GTPBP6: variants seen among roughly 807,000 people sequenced by gnomAD.
GTPBP6 encodes putative GTP-binding protein 6.
A neutral mutation model predicts 28.9 loss-of-function variants in GTPBP6; 33 were observed. The ratio of observed to expected loss-of-function variants is 1.14; its 90% CI spans 0.87 to 1.53. GTPBP6 has a LOEUF of 1.53. GTPBP6 is among the 40% of genes most tolerant of loss of function. The probability of loss-of-function intolerance (pLI) is 0.00; values close to 1 mark genes in which losing one functional copy is unlikely to be tolerated. For missense variants in GTPBP6, 507 were observed against 408.3 expected (o/e 1.24, Z -2.08); for synonymous variants, 231 against 192.7 (o/e 1.20, Z -1.65).
exon 9 of GTPBP6, chrX:307,460 C>T (rs377354228): frequency 5.6e-6 from 9 of 1,609,868 alleles, no homozygotes; most frequent in South Asian, 1.1e-5. Context: ...TCCTGGAGCC[C>T]GTGGCCCCGC....
chrX:312,545 C>G, intron 6 of GTPBP6: 1 of 699,696 alleles, frequency 1.4e-6, no homozygotes, highest in Non-Finnish European at 2.6e-6. Context: ...GGCTGCTGTA[C>G]CCCACACAGA....
chrX:317,134 C>T, intron 1 of GTPBP6, 83 bp from the exon 2 acceptor site: 1 of 398,232 alleles, frequency 2.5e-6, no homozygotes, highest in Non-Finnish European at 4.4e-6. Context: ...CTCCTCCTGC[C>T]CTTGAGACAA....
chrX:311,724 T>A, intron 6 of GTPBP6, 97 bp from the exon 7 acceptor site: 1 of 1,001,204 alleles, frequency 1.0e-6, no homozygotes, highest in Non-Finnish European at 1.6e-6. Flanking sequence ...CGGCACCCTC[T>A]GGGGGGCCGC....
At chrX:312,903 T>A (rs370035836) in exon 6 of GTPBP6, 1 of 1,612,262 alleles carries the variant, frequency 6.2e-7, no homozygotes, top group African/African-American at 1.3e-5. Context: ...GAGACGCTGC[T>A]GCAGCTGCAT....
intron 4 of GTPBP6, 60 bp from the exon 5 acceptor site, chrX:314,277 T>A: frequency 7.1e-7 from 1 of 1,418,014 alleles, no homozygotes; most frequent in Non-Finnish European, 1.0e-6. Context: ...CCGGCAGAGG[T>A]CGAGGTGAAG....
intron 9 of GTPBP6, among the ~76,000 whole-genome samples, chrX:305,452 G>C (rs907596835): frequency 7.9e-5 from 12 of 151,484 alleles, no homozygotes; most frequent in Admixed American, 7.2e-4. Context: ...CTCCCGAGTA[G>C]CTGGGACTAC....
rs1270868032 is a variant in GTPBP6, at chrX:317,904, C to A, written c.349+535G>T. Among the ~76,000 whole-genome samples the A allele has an allele frequency of 4.5e-4, 67 of 148,496 alleles. 1 individual carries two copies. The highest frequency in any genetic ancestry group is 1.6e-3 in the African/African-American group (64 of 39,996). The stretch of plus-strand genomic sequence containing the variant: ...TCACCCATGGGCTCCTCCCCCGAAC[C>A]CCACCCATGCACCTCCACCTATGAG... On this transcript the variant is annotated intron_variant, in intron 1 of 9. Transcript: ENST00000326153.
intron 7 of GTPBP6, among the ~76,000 whole-genome samples, chrX:308,722 G>A (rs759611317): frequency 2.0e-5 from 3 of 146,426 alleles, no homozygotes; most frequent in Non-Finnish European, 4.5e-5. Flanking sequence ...TTCATCCCAG[G>A]AAAGTTTTAC....
chrX:314,258 G>C (rs754599265), intron 4 of GTPBP6, 41 bp from the exon 5 acceptor site: 1 of 1,527,264 alleles, frequency 6.5e-7, no homozygotes, highest in Non-Finnish European at 9.1e-7. Flanking sequence ...TGCGGACGCT[G>C]TCTCCCTCCC....
At chrX:314,638 A>T (rs375104291) in intron 4 of GTPBP6, among the ~76,000 whole-genome samples, 1 of 151,720 alleles carries the variant, frequency 6.6e-6, no homozygotes, top group Admixed American at 6.6e-5. Context: ...ACGCCCGGCT[A>T]ATTTTTTTCT....
rs769101525 is a variant in GTPBP6 at position 307,923 on chromosome X, C to G, written c.1126-43G>C. On this transcript the variant is annotated intron_variant, in intron 7 of 9. Transcript: ENST00000326153. The stretch of plus-strand genomic sequence containing the variant: ...GGGTCAGAGCTGCGGAGCCTCTGGT[C>G]CCTGACCCCAAGCTTGCAGACAGGC... The G allele has an allele frequency of 1.0e-5, 15 of 1,454,094 alleles. No homozygotes were observed. The East Asian group carries it at 3.5e-4, about 34-fold the overall frequency. The allele number at this position is 1,454,094 out of a possible 1,614,324, so 90.1% of individuals were successfully genotyped here.
Position 306,158 on chromosome X carries a change from A to G in GTPBP6, c.1428-961T>C, listed in dbSNP as rs2070157734. 3.3e-5 allele frequency among the ~76,000 whole-genome samples: 5 copies of G among 152,084 alleles called. 1 individual carries two copies. In the South Asian group the frequency reaches 1.0e-3, roughly 32 times the overall value. ...TGCGCACAGTCAGAAATGTATTTTG[A>G]CTGTCAAGTGCAGATTAGGCACCTG... On this transcript the variant is annotated intron_variant, in intron 9 of 9. Transcript: ENST00000326153.
rs750181798 is a variant in GTPBP6 at position 314,211 on chromosome X, G to C, written c.696C>G (p.Asn232Lys). Reference sequence around the variant, plus strand: ...ACAGGTGGGCGACGTCCCTTTTCAAGTTCGACCTGGTGTGGGAACGGGAGT... The same window carrying C: ...ACAGGTGGGCGACGTCCCTTTTCAACTTCGACCTGGTGTGGGAACGGGAGT... The change falls in exon 5 of 10, where the codon AAC becomes AAG. Residue 232 changes from asparagine (N) to lysine (K), a missense_variant. By Grantham distance (94) the Asn-to-Lys change is moderately conservative. Coordinates refer to ENST00000326153, the Ensembl canonical transcript of GTPBP6. The C allele has an allele frequency of 6.8e-6, 11 of 1,613,268 alleles. No individual in the cohort carries two copies. In the South Asian group the frequency reaches 9.9e-5, roughly 14 times the overall value.
rs969022182 is a variant in GTPBP6 at position 313,023 on chromosome X, C to T, written c.758-99G>A. ...GTCTGCGGGGGCCCGGGGCCTGCTCCCGCTCCAGCATCTGGGGGCCCGGCT... is the reference window on the plus strand; with the variant it reads ...GTCTGCGGGGGCCCGGGGCCTGCTCTCGCTCCAGCATCTGGGGGCCCGGCT... On this transcript the variant is annotated intron_variant, in intron 5 of 9. Transcript: ENST00000326153. The T allele has an allele frequency of 4.4e-5, 46 of 1,046,490 alleles. No homozygotes were observed. In the African/African-American group the frequency reaches 7.1e-4, roughly 16 times the overall value. 64.8% of individuals were successfully genotyped at this position (1,046,490 alleles called of 1,614,324 possible).
intron 2 of GTPBP6, among the ~76,000 whole-genome samples, chrX:315,553 GAC>G (rs1215331200): frequency 0.037 from 4,036 of 110,260 alleles, 153 homozygotes; most frequent in East Asian, 0.058. Context: ...TACACACGCA[GAC>G]ACACACACAC....
At chrX:317,721 A>ACCCCACCCCC (rs2070465656) in intron 1 of GTPBP6, among the ~76,000 whole-genome samples, 1 of 11,090 alleles carries the variant, frequency 9.0e-5, no homozygotes. Context: ...ACCCCACCCC[A>ACCCCACCCCC]CCCCACCCCA....
intron 9 of GTPBP6, 102 bp downstream of exon 9, chrX:307,258 G>A (rs1327425677): frequency 1.8e-5 from 19 of 1,051,532 alleles, no homozygotes; most frequent in East Asian, 1.5e-4. Context: ...TAAAGCTCTC[G>A]GGGATCTCAC....
intron 9 of GTPBP6, among the ~76,000 whole-genome samples, chrX:306,458 A>G (rs189009524): frequency 0.018 from 2,622 of 143,370 alleles, 75 homozygotes; most frequent in African/African-American, 0.071. Context: ...TTGTATCCAC[A>G]GTCAGAAATG....
intron 7 of GTPBP6, among the ~76,000 whole-genome samples, chrX:309,726 G>A (rs1196063409): frequency 1.4e-5 from 2 of 144,220 alleles, no homozygotes; most frequent in Non-Finnish European, 3.0e-5. Context: ...CTCACCTAGA[G>A]CCTCCAGAAG....
Sources: gnomAD v4.1 joint callset for allele counts (sites outside exome capture counted in the v4.1 genomes callset) on GRCh38, gnomAD v4.1.1 for gene constraint, MANE v1.5 for transcripts, NCBI Gene and HGNC (gene_info 2026-07-23, HGNC 2026-07-21) for gene names.